Variants in UGP2 observed in about 807,000 individuals in gnomAD.
UGP2 encodes UTP--glucose-1-phosphate uridylyltransferase.
A neutral mutation model predicts 49.0 loss-of-function variants in UGP2; 40 were observed. The ratio of observed to expected loss-of-function variants is 0.82; its 90% CI spans 0.63 to 1.06. The LOEUF (loss-of-function observed/expected upper bound fraction) is 1.06, where lower values mean the gene tolerates loss of function less well. UGP2 is among the 50% of genes least tolerant of loss of function. UGP2 has a pLI of 0.00. For missense variants in UGP2, 460 were observed against 603.5 expected (o/e 0.76, Z 2.49); for synonymous variants, 225 against 213.0 (o/e 1.06, Z -0.49).
intron 1 of UGP2, among the ~76,000 whole-genome samples, chr2:63,853,590 G>T (rs1485244729): frequency 6.6e-6 from 1 of 152,124 alleles, no homozygotes; most frequent in Non-Finnish European, 1.5e-5. Flanking sequence ...TGCTCTTGGT[G>T]CCTTCCCTGT....
chr2:63,885,491 G>T (rs1671613913), intron 5 of UGP2, 98 bp from the exon 6 acceptor site: 1 of 985,106 alleles, frequency 1.0e-6, no homozygotes, highest in South Asian at 2.4e-5. Context: ...ACTCTGAAAA[G>T]AAGTGAAATT....
chr2:63,854,836 G>T (rs911816642), intron 1 of UGP2: 4 of 152,230 alleles, frequency 2.6e-5, no homozygotes, highest in African/African-American at 9.6e-5. Flanking sequence ...AGAAACAAAG[G>T]TTAGAGACAT....
intron 3 of UGP2, among the ~76,000 whole-genome samples, chr2:63,879,866 TA>T (rs1304741134): frequency 2.6e-5 from 4 of 151,792 alleles, no homozygotes; most frequent in Non-Finnish European, 5.9e-5. Context: ...AGTCAAAACA[TA>T]AATAGGTAAG....
chr2:63,847,635 G>T (rs1000257615), intron 1 of UGP2, among the ~76,000 whole-genome samples: 2 of 152,090 alleles, frequency 1.3e-5, no homozygotes, highest in African/African-American at 4.8e-5. Context: ...AGTCAAAGGG[G>T]GTTTGTTCTC....
chr2:63,847,064 C>T (rs1359329003), intron 1 of UGP2, among the ~76,000 whole-genome samples: 2 of 152,130 alleles, frequency 1.3e-5, no homozygotes, highest in African/African-American at 2.4e-5. Context: ...CTTGCTAACT[C>T]AGCCTTTCTT....
At chr2:63,876,592 T>G (rs1050848612) in intron 3 of UGP2, among the ~76,000 whole-genome samples, 1 of 152,250 alleles carries the variant, frequency 6.6e-6, no homozygotes, top group Non-Finnish European at 1.5e-5. Context: ...GGGTTAGATA[T>G]AGCAAGACAA....
Position 63,887,421 on chromosome 2 carries a change from A to G in UGP2, c.1091A>G (p.Asn364Ser), listed in dbSNP as rs1671763165. 1.9e-6 allele frequency: 3 copies of G among 1,613,972 alleles called. No homozygotes were observed. Among genetic ancestry groups the G allele is most frequent in the South Asian group, 1.1e-5 (1 of 91,084 alleles). Residue 364 changes from asparagine (N) to serine (S), a missense_variant, in exon 8 of 10, where the codon AAT becomes AGT. Around this residue, in one of 2 missense-constraint regions of UGP2, gnomAD observed 317 missense variants for 473.0 expected, o/e 0.67. Transcript: ENST00000337130. Reference sequence around the variant, plus strand: ...TTACAGACTTTGGATGGAGGCCTGAATGTCATTCAATTAGAAACTGCAGTA... The same window carrying G: ...TTACAGACTTTGGATGGAGGCCTGAGTGTCATTCAATTAGAAACTGCAGTA... Reference protein sequence around the residue: ...VNAKTLDGGLNVIQLETAVGA... With the variant: ...VNAKTLDGGLSVIQLETAVGA...
chr2:63,848,835 G>A (rs931312830), intron 1 of UGP2, among the ~76,000 whole-genome samples: 5 of 152,204 alleles, frequency 3.3e-5, no homozygotes, highest in African/African-American at 1.2e-4. Flanking sequence ...CTGTTTCCCA[G>A]TTTTCTTGAT....
At chr2:63,842,997 AAAC>A (rs1047164977) in intron 1 of UGP2, among the ~76,000 whole-genome samples, 5 of 152,206 alleles carry the variant, frequency 3.3e-5, no homozygotes, top group Admixed American at 6.5e-5. Context: ...GTATGCAAGT[AAAC>A]TCTTTCCTTG....
intron 3 of UGP2, among the ~76,000 whole-genome samples, chr2:63,870,484 G>A (rs1039400948): frequency 1.3e-5 from 2 of 151,948 alleles, no homozygotes; most frequent in Admixed American, 6.6e-5. Context: ...TTCTATTTAG[G>A]TTTTCTTTCA....
intron 1 of UGP2, chr2:63,855,674 TGG>T (rs1301762375): frequency 2.3e-6 from 1 of 441,586 alleles, no homozygotes; most frequent in Non-Finnish European, 4.5e-6. Flanking sequence ...TCCAAGTAGC[TGG>T]GAATACAGAC....
intron 8 of UGP2, chr2:63,888,820 T>G (rs959323517): frequency 3.3e-5 from 5 of 152,208 alleles, no homozygotes; most frequent in African/African-American, 1.2e-4. Flanking sequence ...CAAAGTAACA[T>G]TGAACAAAAC....
At chr2:63,843,043 T>C (rs920511873) in intron 1 of UGP2, among the ~76,000 whole-genome samples, 2 of 152,224 alleles carry the variant, frequency 1.3e-5, no homozygotes, top group Non-Finnish European at 2.9e-5. Flanking sequence ...TCAGCCATCT[T>C]GATGAACACA....
In UGP2 at chr2:63,846,689, A is replaced by G. The variant is rs544252193; in HGVS notation, c.19+4485A>G. 4.6e-5 allele frequency among the ~76,000 whole-genome samples: 7 copies of G among 152,300 alleles called. No homozygotes were observed. In the South Asian group the frequency reaches 1.5e-3, roughly 32 times the overall value. On this transcript the variant is annotated intron_variant, in intron 1 of 9. Transcript: ENST00000337130. Reference sequence around the variant, plus strand: ...AGATTACTGAGCTAATTATAACTGGAGGGGTCTCCGAGGAATACAGAGATG... The same window carrying G: ...AGATTACTGAGCTAATTATAACTGGGGGGGTCTCCGAGGAATACAGAGATG...
At chr2:63,882,373 T>A in intron 3 of UGP2, 93 bp from the exon 4 acceptor site, 1 of 1,208,748 alleles carries the variant, frequency 8.3e-7, no homozygotes, top group Non-Finnish European at 1.1e-6. Context: ...AAACCGAAAC[T>A]TTATGGAAGC....
intron 1 of UGP2, chr2:63,854,973 A>G (rs907345746): frequency 2.0e-5 from 3 of 152,600 alleles, no homozygotes; most frequent in Non-Finnish European, 4.4e-5. Context: ...GCTTGGGTTG[A>G]TAGGATAGTG....
chr2:63,849,233 C>T (rs1668881256), intron 1 of UGP2, among the ~76,000 whole-genome samples: 1 of 152,196 alleles, frequency 6.6e-6, no homozygotes, highest in African/African-American at 2.4e-5. Context: ...TGCTAGTCAA[C>T]ATATTGTAAA....
intron 7 of UGP2, 95 bp from the exon 8 acceptor site, chr2:63,887,307 G>T: frequency 6.7e-7 from 1 of 1,484,834 alleles, no homozygotes; most frequent in Non-Finnish European, 9.1e-7. Context: ...ATGGATCTCT[G>T]AAATCACTTC....
In UGP2 at chr2:63,866,896, G is replaced by A. The variant is rs76070172; in HGVS notation, c.255+8960G>A. The stretch of plus-strand genomic sequence containing the variant: ...GAGTAGCTGTGCTTTAAATTCCTCA[G>A]TGTGAAACCCCAAATTACATAGGAA... On this transcript the variant is annotated intron_variant, in intron 3 of 9. Coordinates refer to ENST00000337130, the MANE Select transcript of UGP2 (RefSeq NM_006759.4). Among the ~76,000 whole-genome samples the A allele has an allele frequency of 1.9e-3, 296 of 152,252 alleles. 2 individuals carry two copies. The highest frequency in any genetic ancestry group is 7.1e-3 in the African/African-American group (295 of 41,558).
Sources: allele counts gnomAD v4.1 joint callset (sites outside exome capture counted in the v4.1 genomes callset), GRCh38; gene constraint gnomAD v4.1.1; regional missense constraint gnomAD v4.1.1; transcripts MANE v1.5; gene names NCBI Gene and HGNC (gene_info 2026-07-23, HGNC 2026-07-21).